PALD1: variants seen among roughly 807,000 people sequenced by gnomAD.
The protein encoded by PALD1 is phosphatase domain containing paladin 1.
Under a neutral mutation model 96.0 loss-of-function variants are expected in PALD1, and 57 were observed. The ratio of observed to expected loss-of-function variants is 0.59; its 90% CI spans 0.48 to 0.74. PALD1 has a LOEUF of 0.74. PALD1 is among the 30% of genes least tolerant of loss of function. The pLI, the probability that PALD1 is intolerant of heterozygous loss-of-function variation, is 0.00. For missense variants in PALD1, 1,063 were observed against 1,143.7 expected, an observed-to-expected ratio of 0.93 and a Z score of 1.02; for synonymous variants, 464 against 473.6, an observed-to-expected ratio of 0.98 and a Z score of 0.26.
chr10:70,484,316 A>C (rs1845981200), intron 1 of PALD1, among the ~76,000 whole-genome samples: 1 of 151,894 alleles, frequency 6.6e-6, no homozygotes, highest in Admixed American at 6.6e-5. Flanking sequence ...ATATTTTTCT[A>C]AAAAAAGACT....
At chr10:70,550,412 G>A (rs1589215372) in intron 18 of PALD1, among the ~76,000 whole-genome samples, 1 of 152,162 alleles carries the variant, frequency 6.6e-6, no homozygotes, top group African/African-American at 2.4e-5. Context: ...AGGTCTGGAG[G>A]TCTAACACAC....
intron 12 of PALD1, 84 bp from the exon 13 acceptor site, chr10:70,538,808 C>A (rs185228094): frequency 5.3e-6 from 6 of 1,134,550 alleles, no homozygotes; most frequent in Non-Finnish European, 8.0e-6. Flanking sequence ...CACCCCACCC[C>A]CCGTCTGCCT....
At chr10:70,520,784 T>G (rs1362563400) in intron 1 of PALD1, among the ~76,000 whole-genome samples, 4 of 146,888 alleles carry the variant, frequency 2.7e-5, no homozygotes, top group Non-Finnish European at 6.0e-5. Context: ...CTCTGCCTTC[T>G]GGGTTTAAGC....
chr10:70,483,538 C>T (rs890317779), intron 1 of PALD1, among the ~76,000 whole-genome samples: 13 of 152,062 alleles, frequency 8.5e-5, no homozygotes, highest in African/African-American at 2.2e-4. Context: ...CCCTGGGAAA[C>T]GGCCAACAGG....
At chr10:70,498,564 G>A (rs1168094908) in intron 1 of PALD1, among the ~76,000 whole-genome samples, 3 of 151,460 alleles carry the variant, frequency 2.0e-5, no homozygotes, top group Non-Finnish European at 4.4e-5. Flanking sequence ...ACAATCATGA[G>A]CCACTATGCC....
At chr10:70,473,016 G>A in the PALD1 span, among the ~76,000 whole-genome samples, 1 of 152,194 alleles carries the variant, frequency 6.6e-6, no homozygotes, top group Non-Finnish European at 1.5e-5. Flanking sequence ...GAGACATTAA[G>A]TGACTTGCCT....
intron 17 of PALD1, among the ~76,000 whole-genome samples, chr10:70,546,494 CTT>C (rs777651512): frequency 5.3e-5 from 8 of 152,142 alleles, no homozygotes; most frequent in Non-Finnish European, 1.0e-4. Context: ...TCTGTGATGT[CTT>C]TGGCTGTGGC....
At chr10:70,557,629 A>G (rs1209529909) in intron 18 of PALD1, among the ~76,000 whole-genome samples, 1 of 152,150 alleles carries the variant, frequency 6.6e-6, no homozygotes, top group Non-Finnish European at 1.5e-5. Flanking sequence ...TGGCCTGAGG[A>G]TGCAGTTTGC....
intron 1 of PALD1, 66 bp from the exon 2 acceptor site, chr10:70,525,857 T>C: frequency 7.9e-7 from 1 of 1,273,842 alleles, no homozygotes; most frequent in Non-Finnish European, 1.1e-6. Context: ...GGGCGAGAGG[T>C]GGGTCAGGTC....
intron 12 of PALD1, 35 bp from the exon 13 acceptor site, chr10:70,538,857 T>C (rs1452647279): frequency 6.4e-7 from 1 of 1,564,172 alleles, no homozygotes; most frequent in Non-Finnish European, 8.8e-7. Flanking sequence ...TACAGTCGGC[T>C]GCTGTGGGTC....
chr10:70,513,893 C>T (rs1211340106), intron 1 of PALD1, among the ~76,000 whole-genome samples: 1 of 152,200 alleles, frequency 6.6e-6, no homozygotes, highest in Admixed American at 6.5e-5. Context: ...TGATGGCTGG[C>T]CCACACCCGG....
the PALD1 span, among the ~76,000 whole-genome samples, chr10:70,472,032 G>A: frequency 6.6e-6 from 1 of 152,172 alleles, no homozygotes; most frequent in South Asian, 2.1e-4. Context: ...AATGTGCCTG[G>A]TAAGCAACCC....
chr10:70,465,020 G>A, the PALD1 span, among the ~76,000 whole-genome samples: 2 of 151,614 alleles, frequency 1.3e-5, no homozygotes, highest in Non-Finnish European at 2.9e-5. Context: ...TGTTGCCCAG[G>A]CTGGAGTGCA....
chr10:70,465,133 C>A, the PALD1 span, among the ~76,000 whole-genome samples: 1 of 152,080 alleles, frequency 6.6e-6, no homozygotes, highest in East Asian at 1.9e-4. Context: ...CACCACTATG[C>A]CCAGCTAATT....
intron 1 of PALD1, among the ~76,000 whole-genome samples, chr10:70,518,875 A>G (rs1196309042): frequency 6.6e-6 from 1 of 152,146 alleles, no homozygotes; most frequent in Non-Finnish European, 1.5e-5. Flanking sequence ...CGACCAACAC[A>G]GTGACTGACT....
chr10:70,540,920 A>G lies in PALD1; in HGVS notation c.1909-182A>G, dbSNP rs939174840. 6.6e-6 allele frequency among the ~76,000 whole-genome samples: 1 copy of G among 152,202 alleles called. No individual in the cohort carries two copies. The highest frequency in any genetic ancestry group is 2.4e-5 in the African/African-American group (1 of 41,440). ...AGGGTGATTACGACTGCACAGGTGC[A>G]GCTGTTTACACGCACATGGTCTCAT... On this transcript the variant is annotated intron_variant, in intron 15 of 19. Coordinates refer to ENST00000263563, the MANE Select transcript of PALD1 (RefSeq NM_014431.3). This position sits in a 1 kb window ranked among gnomAD's most constrained non-coding sequence, Gnocchi z 4.2.
the PALD1 span, among the ~76,000 whole-genome samples, chr10:70,460,083 G>C: frequency 3.3e-5 from 5 of 152,216 alleles, no homozygotes; most frequent in Non-Finnish European, 5.9e-5. Context: ...CCTTTGACAC[G>C]ATTGAAATGC....
In PALD1 at chr10:70,538,213, G is replaced by A; in HGVS notation, c.1324-67G>A. On this transcript the variant is annotated intron_variant, in intron 11 of 19. Coordinates refer to ENST00000263563, the MANE Select transcript of PALD1 (RefSeq NM_014431.3). The stretch of plus-strand genomic sequence containing the variant: ...CTTTTGGGGCTTCCCCTGCCATGGT[G>A]TGGGCAGGGAGGGTTCAGGATGGCC... The A allele has an allele frequency of 2.0e-6, 3 of 1,537,830 alleles. No individual in the cohort carries two copies. The South Asian group carries it at 3.4e-5, about 17-fold the overall frequency.
chr10:70,555,335 G>A (rs2132432332), intron 18 of PALD1, among the ~76,000 whole-genome samples: 1 of 152,198 alleles, frequency 6.6e-6, no homozygotes, highest in African/African-American at 2.4e-5. Context: ...CAGATGGTGA[G>A]AACAGGACAA....
Sources: allele counts gnomAD v4.1 joint callset (sites outside exome capture counted in the v4.1 genomes callset), GRCh38; gene constraint gnomAD v4.1.1; non-coding constraint Gnocchi (gnomAD v3.1); transcripts MANE v1.5; gene names NCBI Gene and HGNC (gene_info 2026-07-23, HGNC 2026-07-21).